SLC14A2: variants seen among roughly 807,000 people sequenced by gnomAD.
The protein encoded by SLC14A2 is solute carrier family 14 member 2.
SLC14A2 carries 91 observed loss-of-function variants against 104.6 expected under a neutral mutation model. The observed-to-expected ratio is 0.87, with a 90% CI of 0.73 to 1.04. The LOEUF is 1.04. Ranked by LOEUF, SLC14A2 falls within the 50% of genes least tolerant of loss-of-function variation. SLC14A2 has a pLI of 0.00. For missense variants in SLC14A2, 1,189 were observed against 1,156.0 expected, an observed-to-expected ratio of 1.03 and a Z score of -0.41; for synonymous variants, 476 against 466.4, an observed-to-expected ratio of 1.02 and a Z score of -0.27.
At chr18:45,427,130 C>A (rs1454320975) in intron 1 of SLC14A2, among the ~76,000 whole-genome samples, 1 of 152,158 alleles carries the variant, frequency 6.6e-6, no homozygotes, top group Non-Finnish European at 1.5e-5. Flanking sequence ...ACCTCACCCC[C>A]TTTCACTGGA....
chr18:45,632,225 G>T, intron 4 of SLC14A2, 125 bp from the exon 5 acceptor site: 1 of 1,250,542 alleles, frequency 8.0e-7, no homozygotes, highest in Non-Finnish European at 1.1e-6. Context: ...TGAGCGAACT[G>T]ACTTTTTTCT....
At chr18:45,337,321 A>G (rs1330667551) in intron 1 of SLC14A2, among the ~76,000 whole-genome samples, 1 of 152,234 alleles carries the variant, frequency 6.6e-6, no homozygotes, top group Non-Finnish European at 1.5e-5. Context: ...TTGCCTCAGA[A>G]GTAAAAGGTA....
At chr18:45,428,577 G>A (rs1196496713) in intron 1 of SLC14A2, among the ~76,000 whole-genome samples, 1 of 152,114 alleles carries the variant, frequency 6.6e-6, no homozygotes, top group Non-Finnish European at 1.5e-5. Flanking sequence ...GGAGGTCATG[G>A]GCACCCCCAG....
At chr18:45,182,232 C>T in the SLC14A2 span, among the ~76,000 whole-genome samples, 81 of 151,338 alleles carry the variant, frequency 5.4e-4, 1 homozygote, top group African/African-American at 1.6e-3. Context: ...ATATTTGGTA[C>T]GTTAGAAAAA....
chr18:45,587,990 C>T (rs976645089), intron 2 of SLC14A2, among the ~76,000 whole-genome samples: 1 of 149,968 alleles, frequency 6.7e-6, no homozygotes, highest in African/African-American at 2.4e-5. Flanking sequence ...CCATATGTTG[C>T]AGGGGGGCGC....
intron 1 of SLC14A2, among the ~76,000 whole-genome samples, chr18:45,248,223 T>A (rs1443512427): frequency 2.6e-5 from 4 of 152,080 alleles, no homozygotes; most frequent in Admixed American, 6.5e-5. Context: ...GGAAAAACTG[T>A]GCCTTAGAGA....
chr18:45,496,508 C>T (rs536903894), intron 2 of SLC14A2, among the ~76,000 whole-genome samples: 5 of 152,300 alleles, frequency 3.3e-5, no homozygotes, highest in East Asian at 3.9e-4. Flanking sequence ...CAGTGGCTCA[C>T]GCCTGTAATC....
At chr18:45,555,199 G>C (rs1213148850) in intron 2 of SLC14A2, among the ~76,000 whole-genome samples, 1 of 152,202 alleles carries the variant, frequency 6.6e-6, no homozygotes, top group Non-Finnish European at 1.5e-5. Flanking sequence ...AGAGGTACAA[G>C]GTAGCATACC....
intron 1 of SLC14A2, among the ~76,000 whole-genome samples, chr18:45,348,105 A>G (rs2085467547): frequency 6.6e-6 from 1 of 152,172 alleles, no homozygotes; most frequent in Non-Finnish European, 1.5e-5. Flanking sequence ...CACCATCCAG[A>G]ACACAGGGAC....
chr18:45,394,583 T>G (rs1296789110), intron 1 of SLC14A2, among the ~76,000 whole-genome samples: 1 of 152,192 alleles, frequency 6.6e-6, no homozygotes, highest in Non-Finnish European at 1.5e-5. Flanking sequence ...GATTTTGATT[T>G]GCGTTTCCCT....
rs117027638 is a variant in SLC14A2 at position 45,601,921 on chromosome 18, C to T, written c.-34-22710C>T. On this transcript the variant is annotated intron_variant, in intron 2 of 20. Coordinates refer to the SLC14A2 transcript ENST00000586448. ...GAAGCATCTGCTTAGGCAGGACTGG[C>T]TGAAAGATGTGAATGGTCAGAGCCT... is the stretch of plus-strand genomic sequence containing the variant. Among the ~76,000 whole-genome samples the T allele has an allele frequency of 2.1e-3, 314 of 152,348 alleles. 3 individuals are homozygous for T. In the East Asian group the frequency reaches 0.025, roughly 12 times the overall value.
chr18:45,622,361 AC>A (rs2045185596), intron 1 of SLC14A2, among the ~76,000 whole-genome samples: 2 of 152,166 alleles, frequency 1.3e-5, no homozygotes, highest in South Asian at 4.1e-4. Context: ...GGGGAAGATG[AC>A]TTTTCCTAGG....
At chr18:45,599,248 G>T (rs771944860) in intron 2 of SLC14A2, among the ~76,000 whole-genome samples, 1 of 152,064 alleles carries the variant, frequency 6.6e-6, no homozygotes, top group Non-Finnish European at 1.5e-5. Context: ...AGGAGTAATC[G>T]CTAATAACCA....
the SLC14A2 span, among the ~76,000 whole-genome samples, chr18:45,192,554 T>C: frequency 6.6e-6 from 1 of 152,194 alleles, no homozygotes; most frequent in Non-Finnish European, 1.5e-5. Context: ...TTCCTTCACA[T>C]GCTTGCCAAT....
intron 10 of SLC14A2, among the ~76,000 whole-genome samples, chr18:45,648,819 T>C (rs2045674962): frequency 6.6e-6 from 1 of 152,216 alleles, no homozygotes; most frequent in African/African-American, 2.4e-5. Context: ...GTTCTCGTTT[T>C]AGAAGTTTGA....
At chr18:45,245,432 C>T (rs1332429301) in intron 1 of SLC14A2, among the ~76,000 whole-genome samples, 1 of 152,172 alleles carries the variant, frequency 6.6e-6, no homozygotes, top group Non-Finnish European at 1.5e-5. Flanking sequence ...ACCATTTCTC[C>T]CTCAGACCCC....
chr18:45,609,549 C>T (rs2044934894), intron 2 of SLC14A2, among the ~76,000 whole-genome samples: 2 of 152,198 alleles, frequency 1.3e-5, no homozygotes, highest in African/African-American at 4.8e-5. Flanking sequence ...TATACCAAGA[C>T]TCCATGAGGG....
At chr18:45,360,095 ACCT>A (rs959850043) in intron 1 of SLC14A2, among the ~76,000 whole-genome samples, 3 of 151,110 alleles carry the variant, frequency 2.0e-5, no homozygotes, top group African/African-American at 7.3e-5. Flanking sequence ...ACCTACCCTC[ACCT>A]CCTCCCTTCC....
intron 1 of SLC14A2, among the ~76,000 whole-genome samples, chr18:45,244,666 G>A (rs2084350999): frequency 6.6e-6 from 1 of 152,058 alleles, no homozygotes; most frequent in Non-Finnish European, 1.5e-5. Context: ...CAGGTGGCAG[G>A]TGGTGCTTTA....
Sources: allele counts gnomAD v4.1 joint callset (sites outside exome capture counted in the v4.1 genomes callset), GRCh38; gene constraint gnomAD v4.1.1; transcripts MANE v1.5; gene names NCBI Gene and HGNC (gene_info 2026-07-23, HGNC 2026-07-21).